Variants in RBFOX1 observed in about 807,000 individuals in gnomAD.
RBFOX1 encodes RNA binding fox-1 homolog 1, also known as RNA binding protein fox-1 homolog 1.
A neutral mutation model predicts 57.7 loss-of-function variants in RBFOX1; 8 were observed. That is an observed-to-expected ratio of 0.14 (90% CI 0.08 to 0.25). RBFOX1 has a LOEUF of 0.25. RBFOX1 is among the 10% of genes least tolerant of loss of function. The probability of loss-of-function intolerance (pLI) is 1.00; values close to 1 mark genes in which losing one functional copy is unlikely to be tolerated. For missense variants in RBFOX1, 611 were observed against 548.5 expected (o/e 1.11, Z -1.14); for synonymous variants, 326 against 222.4 (o/e 1.47, Z -4.15).
In RBFOX1 at chr16:7,029,230, A is replaced by G. The variant is rs868754034; in HGVS notation, c.-15-22827A>G. ...TATACGTATATATATACACACATAT[A>G]TATACGTATACGTATATATATACAC... On this transcript the variant is annotated intron_variant, in intron 3 of 15. Coordinates refer to ENST00000550418, the MANE Select transcript of RBFOX1 (RefSeq NM_018723.4). Among the ~76,000 whole-genome samples the G allele has an allele frequency of 2.0e-3, 133 of 64,974 alleles. 8 individuals carry two copies. Among genetic ancestry groups the G allele is most frequent in the African/African-American group, 9.8e-3 (63 of 6,458 alleles). The allele number at this position is 64,974 out of a possible 152,430, so 42.6% of individuals were successfully genotyped here.
At chr16:6,082,347 ATTTTTTTTTTTTTTT>A (rs71142677) in intron 1 of RBFOX1, among the ~76,000 whole-genome samples, 9 of 41,040 alleles carry the variant, frequency 2.2e-4, no homozygotes, top group Admixed American at 1.9e-3. Context: ...CACCTGGCTA[ATTTTTTTTTTTTTTT>A]TTTTTTTTTT....
intron 3 of RBFOX1, among the ~76,000 whole-genome samples, chr16:5,808,027 G>A (rs2055289868): frequency 6.6e-6 from 1 of 152,238 alleles, no homozygotes; most frequent in East Asian, 1.9e-4. Flanking sequence ...CTCCTTCTAT[G>A]CCTGAATCCT....
intron 4 of RBFOX1, among the ~76,000 whole-genome samples, chr16:7,307,981 A>T (rs922960667): frequency 6.6e-6 from 1 of 152,218 alleles, no homozygotes; most frequent in Non-Finnish European, 1.5e-5. Flanking sequence ...CCACGTTCCA[A>T]AGTAAGTACT....
At chr16:5,396,125 T>G (rs1199926808) in intron 1 of RBFOX1, among the ~76,000 whole-genome samples, 1 of 152,212 alleles carries the variant, frequency 6.6e-6, no homozygotes, top group Non-Finnish European at 1.5e-5. Context: ...TATGATAATC[T>G]GTTATGTAGC....
intron 1 of RBFOX1, among the ~76,000 whole-genome samples, chr16:5,436,980 A>T (rs748013421): frequency 1.4e-4 from 21 of 152,112 alleles, no homozygotes; most frequent in African/African-American, 4.6e-4. Context: ...ACCTGCCCCC[A>T]TGACTGGCAG....
At chr16:7,130,251 T>A (rs988578667) in intron 4 of RBFOX1, among the ~76,000 whole-genome samples, 4 of 152,012 alleles carry the variant, frequency 2.6e-5, no homozygotes, top group African/African-American at 9.7e-5. Flanking sequence ...GCCAGGCTGG[T>A]CTTGAACTCC....
chr16:5,925,106 C>G (rs1458438559), intron 4 of RBFOX1, among the ~76,000 whole-genome samples: 2 of 152,170 alleles, frequency 1.3e-5, no homozygotes, highest in Non-Finnish European at 2.9e-5. Flanking sequence ...ACCCTTGTCT[C>G]TCCTGATTAT....
chr16:5,348,783 A>T (rs182550668), intron 1 of RBFOX1, among the ~76,000 whole-genome samples: 1 of 152,242 alleles, frequency 6.6e-6, no homozygotes, highest in Non-Finnish European at 1.5e-5. Context: ...TGCTGTATTG[A>T]AAACCTCACT....
At chr16:7,341,867 C>G (rs369332297) in intron 4 of RBFOX1, among the ~76,000 whole-genome samples, 1 of 150,984 alleles carries the variant, frequency 6.6e-6, no homozygotes, top group South Asian at 2.1e-4. Flanking sequence ...CTCCTGCCCC[C>G]GGCCCCCTTC....
intron 11 of RBFOX1, among the ~76,000 whole-genome samples, chr16:7,648,184 G>A (rs2064142106): frequency 6.6e-6 from 1 of 152,114 alleles, no homozygotes; most frequent in Admixed American, 6.6e-5. Flanking sequence ...AAGAAGCCAT[G>A]TTGTCCCTAA....
intron 3 of RBFOX1, among the ~76,000 whole-genome samples, chr16:5,650,807 C>CT (rs1240477796): frequency 6.6e-6 from 1 of 152,114 alleles, no homozygotes; most frequent in Non-Finnish European, 1.5e-5. Context: ...CGGACACAGT[C>CT]TTTGTCCTTA....
intron 2 of RBFOX1, among the ~76,000 whole-genome samples, chr16:5,597,823 C>G (rs1315875061): frequency 6.6e-6 from 1 of 152,126 alleles, no homozygotes; most frequent in African/African-American, 2.4e-5. Flanking sequence ...TGATTCACAT[C>G]CCAGTGTTTG....
chr16:7,338,819 C>T (rs1430193484), intron 4 of RBFOX1, among the ~76,000 whole-genome samples: 1 of 152,148 alleles, frequency 6.6e-6, no homozygotes, highest in Admixed American at 6.5e-5. Flanking sequence ...TCTGGTTGAA[C>T]TTGAAAAACA....
At chr16:7,701,503 C>T (rs1370468563) in intron 14 of RBFOX1, among the ~76,000 whole-genome samples, 3 of 152,168 alleles carry the variant, frequency 2.0e-5, no homozygotes, top group Admixed American at 2.0e-4. Flanking sequence ...TGAAGTGGAA[C>T]AGTTTTTTTT....
intron 4 of RBFOX1, among the ~76,000 whole-genome samples, chr16:7,464,318 A>G (rs1201051553): frequency 6.6e-6 from 1 of 152,202 alleles, no homozygotes; most frequent in Non-Finnish European, 1.5e-5. Flanking sequence ...GAAACACAGT[A>G]AAATGATCAC....
At chr16:5,812,845 A>G (rs1389660467) in intron 3 of RBFOX1, among the ~76,000 whole-genome samples, 1 of 152,138 alleles carries the variant, frequency 6.6e-6, no homozygotes, top group African/African-American at 2.4e-5. Context: ...CCTCGTGACT[A>G]ATGATGTTGA....
intron 3 of RBFOX1, among the ~76,000 whole-genome samples, chr16:6,781,929 T>C (rs1457493919): frequency 6.6e-6 from 1 of 152,194 alleles, no homozygotes; most frequent in Non-Finnish European, 1.5e-5. Context: ...TTTCTTTTCT[T>C]TGACTAGTTT....
At chr16:7,525,973 A>C (rs982350289) in intron 5 of RBFOX1, among the ~76,000 whole-genome samples, 9 of 152,210 alleles carry the variant, frequency 5.9e-5, no homozygotes, top group Middle Eastern at 3.2e-3. Context: ...GCCACAGATC[A>C]GTACTGGTCT....
rs1018644705 is a variant in RBFOX1, at chr16:5,953,723, TATAA to T, written c.351+86390_351+86393del. Among the ~76,000 whole-genome samples the T allele has an allele frequency of 9.2e-4, 129 of 140,056 alleles. 1 individual carries two copies. Among genetic ancestry groups the T allele is most frequent in the African/African-American group, 1.1e-3 (36 of 34,070 alleles). The allele number at this position is 140,056 out of a possible 152,430, so 91.9% of individuals were successfully genotyped here. On this transcript the variant is annotated intron_variant, in intron 4 of 19. Coordinates refer to the RBFOX1 transcript ENST00000641259. ...TCTGTCTTATATATATATATATATA[TATAA>T]AAAACACATTTTCTTCATCCACTTG...
Sources: gnomAD v4.1 joint callset for allele counts (sites outside exome capture counted in the v4.1 genomes callset) on GRCh38, gnomAD v4.1.1 for gene constraint, MANE v1.5 for transcripts, NCBI Gene and HGNC (gene_info 2026-07-23, HGNC 2026-07-21) for gene names.